Variants in U2SURP observed in about 807,000 individuals in gnomAD.
The protein encoded by U2SURP is U2 snRNP-associated SURP motif-containing protein.
In U2SURP, 9 loss-of-function variants were observed where a neutral mutation model predicts 144.9. That is an observed-to-expected ratio of 0.06 (90% CI 0.04 to 0.11). U2SURP has a LOEUF of 0.11. U2SURP is among the 10% of genes least tolerant of loss of function. The pLI is 1.00. For missense variants in U2SURP, 724 were observed against 1,226.7 expected (o/e 0.59, Z 6.12); for synonymous variants, 408 against 396.8 (o/e 1.03, Z -0.33).
chr3:143,033,464 T>C, intron 18 of U2SURP, 114 bp downstream of exon 18: 1 of 587,954 alleles, frequency 1.7e-6, no homozygotes, highest in Non-Finnish European at 2.9e-6. Flanking sequence ...CAGTCAGCCC[T>C]CCATGTCTGT....
intron 3 of U2SURP, among the ~76,000 whole-genome samples, chr3:143,013,594 A>G (rs559128645): frequency 6.6e-6 from 1 of 152,156 alleles, no homozygotes; most frequent in South Asian, 2.1e-4. Context: ...TTTTAAGTTT[A>G]TAAATCAAAT....
At chr3:143,001,802 G>A in intron 1 of U2SURP, 129 bp downstream of exon 1, 2 of 1,224,686 alleles carry the variant, frequency 1.6e-6, no homozygotes, top group South Asian at 1.3e-5. Context: ...AGGCCCGGGC[G>A]CCGCCGCACC....
rs185050308 is a variant in U2SURP at position 143,052,290 on chromosome 3, A to G, written c.2655+1241A>G. On this transcript the variant is annotated intron_variant, in intron 25 of 27. Coordinates refer to ENST00000473835, the MANE Select transcript of U2SURP (RefSeq NM_001080415.2). ...ATGCCTGTAATCCTAGCTACTCAGG[A>G]GGCTGAGGCAGGAGAATCACTTGAA... 1.2e-4 allele frequency among the ~76,000 whole-genome samples: 19 copies of G among 152,302 alleles called. No individual in the cohort carries two copies. In the East Asian group the frequency reaches 3.7e-3, roughly 29 times the overall value.
At position 143,043,232 on chromosome 3, in the gene U2SURP, T is replaced by C. The variant is rs774392334; in HGVS notation, c.2500T>C (p.Ser834Pro). 5 of 1,604,834 alleles carry C rather than the reference T, an allele frequency of 3.1e-6. No homozygotes were observed. In the African/African-American group the frequency reaches 5.3e-5, roughly 17 times the overall value. The change falls in exon 24 of 28, where the codon TCT (serine) becomes CCT (proline). Residue 834 changes from serine (S) to proline (P), a missense_variant. Physicochemically the swap from Ser to Pro is moderately conservative, Grantham distance 74. Around this residue, in one of 13 missense-constraint regions of U2SURP, gnomAD observed 18 missense variants for 48.8 expected, o/e 0.37. Transcript: ENST00000473835. ...EMTESKFSKY[S>P]EMSEEKRAKL... is the part of the protein sequence containing the mutation. ...GACTGAGTCTAAGTTCTCTAAGTAC[T>C]CTGAAATGAGTGAGGAAAAACGAGC...
At chr3:143,023,624 G>A (rs1932963176) in intron 12 of U2SURP, among the ~76,000 whole-genome samples, 2 of 152,178 alleles carry the variant, frequency 1.3e-5, no homozygotes. Flanking sequence ...GGTTTTAAAG[G>A]CTTGGGAACA....
Position 143,021,575 on chromosome 3 carries a change from A to G in U2SURP, c.852+20A>G, listed in dbSNP as rs377744910. The G allele has an allele frequency of 4.5e-5, 71 of 1,594,728 alleles. No individual in the cohort carries two copies. Among genetic ancestry groups the G allele is most frequent in the Non-Finnish European group, 5.5e-5 (64 of 1,165,588 alleles). The stretch of plus-strand genomic sequence containing the variant: ...CCACAGGTAATATTAAGTAAGATGA[A>G]TGTTGATTGATATGCTTTATGCTTT... On this transcript the variant is annotated intron_variant, in intron 10 of 27. Coordinates refer to ENST00000473835, the MANE Select transcript of U2SURP (RefSeq NM_001080415.2).
chr3:143,053,323 A>G (rs1934983837), intron 25 of U2SURP, among the ~76,000 whole-genome samples: 1 of 152,146 alleles, frequency 6.6e-6, no homozygotes, highest in South Asian at 2.1e-4. Flanking sequence ...ATGGTACTTA[A>G]TCTTTCTGAG....
Position 143,056,627 on chromosome 3 carries a change from A to C in U2SURP, c.*177A>C. On this transcript the variant is annotated 3_prime_UTR_variant, in exon 28 of 28. Transcript: ENST00000473835. ...GCATCTGTAGATCTGTCATTGTTTTATATTGTGTAAATTACTTTCATTGTG... is the reference window on the plus strand; with the variant it reads ...GCATCTGTAGATCTGTCATTGTTTTCTATTGTGTAAATTACTTTCATTGTG... The C allele has an allele frequency of 1.5e-6, 1 of 647,376 alleles. No homozygotes were observed. The highest frequency in any genetic ancestry group is 2.5e-6 in the Non-Finnish European group (1 of 396,542). The allele number at this position is 647,376 out of a possible 1,614,324, so 40.1% of individuals were successfully genotyped here.
rs9289653 is a variant in U2SURP, at chr3:143,010,741, T to C, written c.46-74T>C. The C allele has an allele frequency of 0.01, 12,242 of 1,175,984 alleles. 551 individuals are homozygous for C. In the African/African-American group the frequency reaches 0.12, roughly 11 times the overall value. The allele number at this position is 1,175,984 out of a possible 1,614,324, so 72.8% of individuals were successfully genotyped here. A position where few individuals can be genotyped will look rare whatever the true frequency, so the allele number is the denominator to read the frequency against. On this transcript the variant is annotated intron_variant, in intron 1 of 27. Transcript: ENST00000473835. ...CCAGAAGTTAGGAAACTCTTAAGTT[T>C]GTATAACACGAGAGACATGTTTTGT...
At chr3:143,015,991 T>C (rs1043770598) in intron 4 of U2SURP, among the ~76,000 whole-genome samples, 9 of 152,158 alleles carry the variant, frequency 5.9e-5, no homozygotes, top group African/African-American at 2.2e-4. Context: ...AATTTGATGC[T>C]TGAGTTGTCT....
intron 16 of U2SURP, 99 bp from the exon 17 acceptor site, chr3:143,032,683 TTA>T: frequency 9.6e-7 from 1 of 1,042,644 alleles, no homozygotes; most frequent in Non-Finnish European, 1.4e-6. Context: ...CAGAATTATT[TTA>T]TGTGAGTAGG....
chr3:143,038,656 A>C (rs1933937028), intron 22 of U2SURP, among the ~76,000 whole-genome samples: 1 of 152,016 alleles, frequency 6.6e-6, no homozygotes, highest in Non-Finnish European at 1.5e-5. Context: ...ATAAATCTTA[A>C]TATTCAACAC....
intron 16 of U2SURP, among the ~76,000 whole-genome samples, chr3:143,031,220 A>G (rs926821027): frequency 6.6e-6 from 1 of 152,176 alleles, no homozygotes; most frequent in African/African-American, 2.4e-5. Context: ...AGGATCTAGA[A>G]TATATATAAA....
intron 24 of U2SURP, among the ~76,000 whole-genome samples, chr3:143,043,568 G>C (rs529906665): frequency 1.3e-4 from 20 of 152,120 alleles, no homozygotes; most frequent in African/African-American, 4.8e-4. Flanking sequence ...TTACTTGCTT[G>C]CTTGCTTATT....
chr3:143,051,602 C>CAAAAAAAAAAAAAAAAAA (rs3041537), intron 25 of U2SURP, among the ~76,000 whole-genome samples: 2 of 90,626 alleles, frequency 2.2e-5, no homozygotes, highest in African/African-American at 7.9e-5. Context: ...ACTGTCGTTG[C>CAAAAAAAAAAAAAAAAAA]AAAAAAAAAA....
chr3:143,014,134 A>T (rs534423072), intron 3 of U2SURP, among the ~76,000 whole-genome samples, 177 bp from the exon 4 acceptor site: 1 of 151,942 alleles, frequency 6.6e-6, no homozygotes, highest in Admixed American at 6.6e-5. Context: ...TGAATACTTA[A>T]CATCAGAGTC....
In U2SURP at chr3:143,011,722, TTCA is replaced by T. The variant is rs1936127448; in HGVS notation, c.91-496_91-494del. Among the ~76,000 whole-genome samples, 4 of 152,078 alleles carry T rather than the reference TTCA, an allele frequency of 2.6e-5. No individual in the cohort carries two copies. The South Asian group carries it at 8.3e-4, about 32-fold the overall frequency. ...GTAAAAGTTACTACTATTTTACTACTTCATCAAGCAGTAAAAATTATTACTATT... is the reference window on the plus strand; with the variant it reads ...GTAAAAGTTACTACTATTTTACTACTTCAAGCAGTAAAAATTATTACTATT... On this transcript the variant is annotated intron_variant, in intron 2 of 27. Coordinates refer to ENST00000473835, the MANE Select transcript of U2SURP (RefSeq NM_001080415.2).
rs910235709 is a variant in U2SURP at position 143,036,214 on chromosome 3, T to G, written c.2064+110T>G. On this transcript the variant is annotated intron_variant, in intron 20 of 27. Transcript: ENST00000473835. ...GAGGTACATTTCTTTGTGAAAAATATCTATTGCTTACCATTAAGTAGTGGA... is the reference window on the plus strand; with the variant it reads ...GAGGTACATTTCTTTGTGAAAAATAGCTATTGCTTACCATTAAGTAGTGGA... 4.1e-6 allele frequency: 5 copies of G among 1,229,918 alleles called. No homozygotes were observed. The African/African-American group carries it at 4.6e-5, about 11-fold the overall frequency. 76.2% of individuals were successfully genotyped at this position (1,229,918 alleles called of 1,614,324 possible).
chr3:143,001,587 G>T lies in U2SURP; in HGVS notation c.-42G>T. The T allele has an allele frequency of 6.2e-7, 1 of 1,611,560 alleles. No individual in the cohort carries two copies. The highest frequency in any genetic ancestry group is 8.5e-7 in the Non-Finnish European group (1 of 1,179,052). Reference sequence around the variant, plus strand: ...GATCCGCTCTTTCGGTGCTCGACTCGCCCGTGCTGCTGCCGCCGCCGAAGG... The same window carrying T: ...GATCCGCTCTTTCGGTGCTCGACTCTCCCGTGCTGCTGCCGCCGCCGAAGG... On this transcript the variant is annotated 5_prime_UTR_variant, in exon 1 of 28. Coordinates refer to ENST00000473835, the MANE Select transcript of U2SURP (RefSeq NM_001080415.2).
Sources: allele counts gnomAD v4.1 joint callset (sites outside exome capture counted in the v4.1 genomes callset), GRCh38; gene constraint gnomAD v4.1.1; regional missense constraint gnomAD v4.1.1; transcripts MANE v1.5; gene names NCBI Gene and HGNC (gene_info 2026-07-23, HGNC 2026-07-21).